The following CLVS1 variants were observed in gnomAD, a reference collection of about 807,000 sequenced individuals.
CLVS1 encodes the protein clavesin 1, also known as clavesin-1.
In CLVS1, 10 loss-of-function variants were observed where a neutral mutation model predicts 33.1. The observed-to-expected ratio is 0.30, with a 90% CI of 0.19 to 0.51. The LOEUF (loss-of-function observed/expected upper bound fraction) is 0.51, where lower values mean the gene tolerates loss of function less well. Among genes scored for constraint, CLVS1 ranks in the 20% least tolerant of loss-of-function variants. The probability of loss-of-function intolerance (pLI) is 0.97; values close to 1 mark genes in which losing one functional copy is unlikely to be tolerated. For synonymous variants in CLVS1, 163 were observed against 166.1 expected (o/e 0.98, Z 0.14); for missense variants, 343 against 433.4 (o/e 0.79, Z 1.85).
intron 3 of CLVS1, among the ~76,000 whole-genome samples, chr8:61,446,953 C>T (rs969304016): frequency 6.6e-6 from 1 of 151,506 alleles, no homozygotes; most frequent in Non-Finnish European, 1.5e-5. Flanking sequence ...ACAGAATAAT[C>T]TGTATTATTT....
chr8:61,185,269 G>T (rs1156607270), intron 2 of CLVS1, among the ~76,000 whole-genome samples: 1 of 149,944 alleles, frequency 6.7e-6, no homozygotes. Context: ...AACCTCTCAA[G>T]TAGCTAGGAT....
intron 2 of CLVS1, among the ~76,000 whole-genome samples, chr8:61,226,980 G>GTTTTTTTTTTT (rs55718731): frequency 4.5e-5 from 6 of 132,310 alleles, no homozygotes; most frequent in African/African-American, 8.8e-5. Context: ...ACGAAAACAT[G>GTTTTTTTTTTT]TTTTTTTTTT....
At chr8:61,407,232 A>C (rs1226879251) in intron 3 of CLVS1, among the ~76,000 whole-genome samples, 1 of 152,210 alleles carries the variant, frequency 6.6e-6, no homozygotes, top group Non-Finnish European at 1.5e-5. Flanking sequence ...ATACCTAAAC[A>C]CACGGTAGAT....
At chr8:60,976,842 A>T in the CLVS1 span, among the ~76,000 whole-genome samples, 5 of 152,312 alleles carry the variant, frequency 3.3e-5, no homozygotes, top group African/African-American at 1.2e-4. Context: ...GGCAATAGAA[A>T]CTTTATCCTC....
At chr8:61,450,182 T>A (rs1246142724) in intron 3 of CLVS1, among the ~76,000 whole-genome samples, 1 of 152,006 alleles carries the variant, frequency 6.6e-6, no homozygotes, top group African/African-American at 2.4e-5. Context: ...TTAAATGGAG[T>A]CTAAAAATTG....
At chr8:61,454,288 C>A in intron 4 of CLVS1, 37 bp downstream of exon 4, 2 of 1,451,218 alleles carry the variant, frequency 1.4e-6, no homozygotes, top group Non-Finnish European at 1.9e-6. Flanking sequence ...ATTCCTGGTA[C>A]AATTTTGGTG....
intron 2 of CLVS1, among the ~76,000 whole-genome samples, chr8:61,154,816 C>CA (rs1248011412): frequency 6.6e-6 from 1 of 152,182 alleles, no homozygotes; most frequent in African/African-American, 2.4e-5. Context: ...ATAGAGTCAA[C>CA]ATTCAACAAA....
intron 2 of CLVS1, among the ~76,000 whole-genome samples, chr8:61,363,624 A>G (rs995745324): frequency 6.6e-6 from 1 of 152,254 alleles, no homozygotes. Flanking sequence ...AACTTTGGAT[A>G]GGAAAAGTCA....
At position 61,153,072 on chromosome 8, in the gene CLVS1, G is replaced by T. The variant is rs112820614; in HGVS notation, c.-152+21212G>T. Among the ~76,000 whole-genome samples, 1,518 of 152,146 alleles carry T rather than the reference G, an allele frequency of 1.0e-2. 35 individuals carry two copies. Among genetic ancestry groups the T allele is most frequent in the African/African-American group, 0.034 (1,398 of 41,484 alleles). ...AGTCCCAGCCACTCCGGAGGCTGAG[G>T]GGGGCTGCACTCCAGCCTGGGTAAC... On this transcript the variant is annotated intron_variant, in intron 2 of 2. Coordinates refer to the CLVS1 transcript ENST00000522621.
the CLVS1 span, among the ~76,000 whole-genome samples, chr8:60,998,051 ACT>A: frequency 1.3e-5 from 2 of 152,120 alleles, no homozygotes; most frequent in African/African-American, 4.8e-5. Flanking sequence ...AAACAGATGC[ACT>A]GAGTTTGTGA....
intron 5 of CLVS1, among the ~76,000 whole-genome samples, chr8:61,480,932 T>C (rs1313868759): frequency 3.3e-5 from 5 of 152,106 alleles, no homozygotes; most frequent in Admixed American, 3.3e-4. Context: ...TCTCAGCTGC[T>C]CTGAAGCTGA....
chr8:61,007,289 A>G, the CLVS1 span, among the ~76,000 whole-genome samples: 1 of 152,390 alleles, frequency 6.6e-6, no homozygotes, highest in East Asian at 1.9e-4. Flanking sequence ...GATGTTTTAT[A>G]GTAGCAGATA....
chr8:61,341,290 C>T (rs78273798), intron 2 of CLVS1, among the ~76,000 whole-genome samples: 62 of 152,274 alleles, frequency 4.1e-4, no homozygotes, highest in African/African-American at 1.3e-3. Flanking sequence ...TGAAATTGGA[C>T]GGCAGCATGA....
At position 61,279,993 on chromosome 8, in the gene CLVS1, TAAA is replaced by T. The variant is rs34597336; in HGVS notation, c.-151-19680_-151-19678del. ...TTTAAATATCTTATTTTAAATAAGA[TAAA>T]AAATCAGCATAACAAATATTTTCTG... On this transcript the variant is annotated intron_variant, in intron 2 of 2. Coordinates refer to the CLVS1 transcript ENST00000522621. Among the ~76,000 whole-genome samples the T allele has an allele frequency of 2.0e-5, 3 of 152,082 alleles. No individual in the cohort carries two copies. The East Asian group carries it at 5.8e-4, about 29-fold the overall frequency.
At chr8:61,232,022 G>GTTTTT (rs376185436) in intron 2 of CLVS1, among the ~76,000 whole-genome samples, 1,650 of 116,888 alleles carry the variant, frequency 0.014, 357 homozygotes, top group East Asian at 0.063. Flanking sequence ...GGAAAGTTGT[G>GTTTTT]GTTTTTTTTT....
chr8:61,348,513 G>A (rs535242597), intron 2 of CLVS1, among the ~76,000 whole-genome samples: 27 of 152,024 alleles, frequency 1.8e-4, no homozygotes, highest in African/African-American at 2.9e-4. Context: ...TTATCATAAC[G>A]TCCTTCAGGT....
At chr8:61,381,695 T>G (rs1323756913) in intron 3 of CLVS1, among the ~76,000 whole-genome samples, 1 of 152,202 alleles carries the variant, frequency 6.6e-6, no homozygotes, top group Admixed American at 6.5e-5. Flanking sequence ...AGGTATTTGA[T>G]TTTTTGTTCC....
At chr8:61,125,808 G>T (rs1347052160) in intron 1 of CLVS1, among the ~76,000 whole-genome samples, 1 of 152,164 alleles carries the variant, frequency 6.6e-6, no homozygotes, top group African/African-American at 2.4e-5. Context: ...GGACGGCATA[G>T]CTATGAGACA....
At chr8:61,188,245 T>C (rs1807385408) in intron 2 of CLVS1, among the ~76,000 whole-genome samples, 1 of 152,152 alleles carries the variant, frequency 6.6e-6, no homozygotes, top group African/African-American at 2.4e-5. Flanking sequence ...CTGCAAATCT[T>C]GAATTTAAAT....
Sources: allele counts gnomAD v4.1 joint callset (sites outside exome capture counted in the v4.1 genomes callset), GRCh38; gene constraint gnomAD v4.1.1; transcripts MANE v1.5; gene names NCBI Gene and HGNC (gene_info 2026-07-23, HGNC 2026-07-21).